Variants in CDKAL1 observed in about 807,000 individuals in gnomAD.
The protein encoded by CDKAL1 is CDKAL1 threonylcarbamoyladenosine tRNA methylthiotransferase, also known as threonylcarbamoyladenosine tRNA methylthiotransferase.
In CDKAL1, 32 loss-of-function variants were observed where a neutral mutation model predicts 68.2. The observed-to-expected ratio is 0.47, with a 90% CI of 0.35 to 0.63. CDKAL1 has a LOEUF of 0.63. CDKAL1 is among the 30% of genes least tolerant of loss of function. CDKAL1 has a pLI of 0.00. For missense variants in CDKAL1, 606 were observed against 696.7 expected, an observed-to-expected ratio of 0.87 and a Z score of 1.47; for synonymous variants, 234 against 244.3, an observed-to-expected ratio of 0.96 and a Z score of 0.39.
intron 9 of CDKAL1, among the ~76,000 whole-genome samples, chr6:20,854,317 C>A (rs940738841): frequency 1.3e-5 from 2 of 152,140 alleles, no homozygotes; most frequent in African/African-American, 4.8e-5. Flanking sequence ...GTTCTGAATC[C>A]CGAGGCTTCT....
chr6:21,216,268 C>T (rs948001106), intron 15 of CDKAL1, among the ~76,000 whole-genome samples: 2 of 152,104 alleles, frequency 1.3e-5, no homozygotes, highest in African/African-American at 2.4e-5. Flanking sequence ...ACTTATCAGA[C>T]TGATTTTATC....
chr6:20,836,781 A>G (rs1349161380), intron 8 of CDKAL1, among the ~76,000 whole-genome samples: 3 of 152,130 alleles, frequency 2.0e-5, no homozygotes, highest in Non-Finnish European at 4.4e-5. Context: ...CACTGAATTG[A>G]TAGGGATTCT....
chr6:21,143,440 T>C (rs1776020793), intron 13 of CDKAL1, among the ~76,000 whole-genome samples: 1 of 152,226 alleles, frequency 6.6e-6, no homozygotes, highest in South Asian at 2.1e-4. Context: ...GTTCCTTTGT[T>C]AATTTTTCTG....
At chr6:20,621,295 T>G (rs1283777858) in intron 4 of CDKAL1, among the ~76,000 whole-genome samples, 2 of 152,166 alleles carry the variant, frequency 1.3e-5, no homozygotes, top group African/African-American at 4.8e-5. Context: ...TATGGGTTAT[T>G]GGGAGGAAGA....
intron 15 of CDKAL1, among the ~76,000 whole-genome samples, chr6:21,228,857 A>T (rs192234263): frequency 6.6e-6 from 1 of 152,324 alleles, no homozygotes; most frequent in African/African-American, 2.4e-5. Flanking sequence ...GAAGCTCTTC[A>T]GCATAAACCT....
intron 8 of CDKAL1, among the ~76,000 whole-genome samples, chr6:20,790,050 C>G (rs1417824290): frequency 6.6e-6 from 1 of 152,172 alleles, no homozygotes; most frequent in African/African-American, 2.4e-5. Flanking sequence ...CCTGCCTTGG[C>G]CTCCCAAAGC....
intron 10 of CDKAL1, among the ~76,000 whole-genome samples, chr6:20,982,204 G>T (rs1766192733): frequency 6.6e-6 from 1 of 151,874 alleles, no homozygotes; most frequent in East Asian, 1.9e-4. Flanking sequence ...GATTACAGGG[G>T]TGCACCACCA....
intron 10 of CDKAL1, among the ~76,000 whole-genome samples, chr6:20,982,472 A>G (rs1766206488): frequency 6.6e-6 from 1 of 152,198 alleles, no homozygotes; most frequent in Non-Finnish European, 1.5e-5. Flanking sequence ...GGTATTAATA[A>G]TGTAATTTAC....
intron 4 of CDKAL1, among the ~76,000 whole-genome samples, chr6:20,565,139 C>CTA (rs201868394): frequency 0.017 from 2,529 of 150,666 alleles, 57 homozygotes; most frequent in African/African-American, 0.051. Context: ...TCAAAGCTAT[C>CTA]TATATATATA....
chr6:20,590,913 A>G (rs1312405418), intron 4 of CDKAL1, among the ~76,000 whole-genome samples: 3 of 152,080 alleles, frequency 2.0e-5, no homozygotes, highest in Non-Finnish European at 4.4e-5. Context: ...CTGGTTCTAG[A>G]TCCTTGAGGA....
chr6:20,985,791 A>C (rs1349570217), intron 10 of CDKAL1, among the ~76,000 whole-genome samples: 2 of 151,546 alleles, frequency 1.3e-5, no homozygotes, highest in African/African-American at 4.8e-5. Flanking sequence ...TGATGGAGTG[A>C]GACCCTGCCT....
intron 5 of CDKAL1, among the ~76,000 whole-genome samples, chr6:20,737,922 A>T (rs1211410143): frequency 6.6e-6 from 1 of 152,206 alleles, no homozygotes; most frequent in Non-Finnish European, 1.5e-5. Context: ...GAAAATTTTG[A>T]TGTGGCTGTT....
chr6:20,645,414 TG>T (rs1348598724), intron 4 of CDKAL1, among the ~76,000 whole-genome samples: 1 of 152,110 alleles, frequency 6.6e-6, no homozygotes, highest in Non-Finnish European at 1.5e-5. Context: ...ATTTCCTTAT[TG>T]TTTAAGTGTT....
intron 5 of CDKAL1, among the ~76,000 whole-genome samples, chr6:20,682,847 A>T (rs913722260): frequency 2.0e-5 from 3 of 152,034 alleles, no homozygotes; most frequent in Admixed American, 6.6e-5. Flanking sequence ...TTTCAATATC[A>T]CTAGTGCTAA....
chr6:20,728,564 T>G (rs1246855447), intron 5 of CDKAL1, among the ~76,000 whole-genome samples: 2 of 152,176 alleles, frequency 1.3e-5, no homozygotes, highest in Non-Finnish European at 2.9e-5. Context: ...CTTAGGGCAT[T>G]ATTATATTGA....
chr6:20,965,538 G>T (rs1387135112), intron 10 of CDKAL1, among the ~76,000 whole-genome samples: 1 of 152,094 alleles, frequency 6.6e-6, no homozygotes, highest in East Asian at 1.9e-4. Context: ...TAAATATAAA[G>T]ATCTCTCTCA....
chr6:20,551,368 ATC>A (rs1301409757), intron 4 of CDKAL1, among the ~76,000 whole-genome samples: 1 of 145,450 alleles, frequency 6.9e-6, no homozygotes, highest in African/African-American at 2.6e-5. Flanking sequence ...TAACTAAAAT[ATC>A]TTTTTTTTTT....
chr6:20,947,223 A>G (rs541330151), intron 9 of CDKAL1, among the ~76,000 whole-genome samples: 7 of 152,366 alleles, frequency 4.6e-5, no homozygotes, highest in Admixed American at 2.0e-4. Flanking sequence ...TTGCTGTTTA[A>G]GTACAGATGC....
At chr6:21,033,375 A>G (rs1769399510) in intron 11 of CDKAL1, among the ~76,000 whole-genome samples, 1 of 152,170 alleles carries the variant, frequency 6.6e-6, no homozygotes, top group Non-Finnish European at 1.5e-5. Context: ...GTGATAAAGG[A>G]TGGAACAGAT....
Sources: allele counts gnomAD v4.1 joint callset (sites outside exome capture counted in the v4.1 genomes callset), GRCh38; gene constraint gnomAD v4.1.1; transcripts MANE v1.5; gene names NCBI Gene and HGNC (gene_info 2026-07-23, HGNC 2026-07-21).